HDLBP: variants seen among roughly 807,000 people sequenced by gnomAD.
HDLBP encodes high density lipoprotein binding protein, also known as vigilin.
In HDLBP, 30 loss-of-function variants were observed where a neutral mutation model predicts 137.3. The ratio of observed to expected loss-of-function variants is 0.22; its 90% CI spans 0.16 to 0.30. The LOEUF (loss-of-function observed/expected upper bound fraction) is 0.30. Among genes scored for constraint, HDLBP ranks in the 10% least tolerant of loss-of-function variants. HDLBP has a pLI of 1.00. For synonymous variants in HDLBP, 606 were observed against 596.0 expected, an observed-to-expected ratio of 1.02 and a Z score of -0.24; for missense variants, 1,119 against 1,667.3, an observed-to-expected ratio of 0.67 and a Z score of 5.73.
chr2:241,242,052 A>G (rs1033776621), intron 17 of HDLBP, among the ~76,000 whole-genome samples: 3 of 152,250 alleles, frequency 2.0e-5, no homozygotes, highest in South Asian at 2.1e-4. Context: ...GCCCGGAAAC[A>G]TACCCACAGA....
intron 6 of HDLBP, 72 bp downstream of exon 6, chr2:241,256,528 C>T (rs1286330792): frequency 6.5e-6 from 10 of 1,548,720 alleles, no homozygotes; most frequent in East Asian, 2.2e-5. Flanking sequence ...ACACTGGACA[C>T]GGCAACCCAT....
At chr2:241,279,035 C>A (rs761615984) in intron 1 of HDLBP, among the ~76,000 whole-genome samples, 3 of 135,654 alleles carry the variant, frequency 2.2e-5, no homozygotes, top group African/African-American at 8.3e-5. Flanking sequence ...CTCTCCACCC[C>A]TCTAAAAAAA....
intron 1 of HDLBP, among the ~76,000 whole-genome samples, chr2:241,308,126 T>C (rs866246853): frequency 6.6e-5 from 10 of 152,344 alleles, no homozygotes; most frequent in Middle Eastern, 6.8e-3. Flanking sequence ...TTTATTCTTT[T>C]TTCCAGCCTG....
chr2:241,236,446 T>A, intron 21 of HDLBP, 169 bp downstream of exon 21: 2 of 679,078 alleles, frequency 2.9e-6, no homozygotes, highest in Non-Finnish European at 5.1e-6. Context: ...CCCCAAACTC[T>A]GTGTCCAGCC....
At chr2:241,302,845 C>T (rs944848638) in intron 1 of HDLBP, 3 of 152,310 alleles carry the variant, frequency 2.0e-5, no homozygotes, top group African/African-American at 7.2e-5. Flanking sequence ...ACTGCTTTCT[C>T]TCCCCAAGGA....
chr2:241,295,237 A>G (rs910864477), intron 1 of HDLBP, among the ~76,000 whole-genome samples: 13 of 152,206 alleles, frequency 8.5e-5, no homozygotes, highest in Non-Finnish European at 1.3e-4. Context: ...TATATGAACA[A>G]TATTTCCCCA....
rs538953857 is a variant in HDLBP at position 241,254,472 on chromosome 2, C to T, written c.1188+579G>A. Among the ~76,000 whole-genome samples the T allele has an allele frequency of 2.1e-3, 321 of 151,502 alleles. 3 individuals carry two copies. The highest frequency in any genetic ancestry group is 1.1e-3 in the Non-Finnish European group (76 of 67,878). ...ACTTAATACAATTTGTATACAAGTT[C>T]TGCTCTTCAAAGTATTTTTTTTTTT... On this transcript the variant is annotated intron_variant, in intron 9 of 27. Transcript: ENST00000310931.
At chr2:241,293,930 A>AC (rs931730619) in intron 1 of HDLBP, among the ~76,000 whole-genome samples, 103 of 152,068 alleles carry the variant, frequency 6.8e-4, no homozygotes, top group Non-Finnish European at 1.0e-4. Context: ...TCAAAAAAAA[A>AC]AAAAAACAAA....
chr2:241,281,804 ATAT>A (rs1282767379), intron 1 of HDLBP, among the ~76,000 whole-genome samples: 4 of 152,208 alleles, frequency 2.6e-5, no homozygotes, highest in Admixed American at 6.5e-5. Context: ...GGGTGAAACA[ATAT>A]TATTAAAATT....
intron 21 of HDLBP, chr2:241,236,345 G>A (rs957457666): frequency 2.4e-4 from 122 of 499,236 alleles, no homozygotes; most frequent in African/African-American, 1.3e-3. Context: ...CACAGCCCCC[G>A]CACCCACCGT....
chr2:241,279,998 A>T, intron 1 of HDLBP: 1 of 985,394 alleles, frequency 1.0e-6, no homozygotes, highest in Non-Finnish European at 1.2e-6. Context: ...GGAGCAGCGG[A>T]CCAGGGGTCA....
intron 3 of HDLBP, chr2:241,266,399 C>T (rs1229294496): frequency 8.6e-6 from 2 of 231,872 alleles, no homozygotes; most frequent in South Asian, 6.6e-5. Context: ...CAGCCAGTGG[C>T]GTTCGAGAAC....
intron 12 of HDLBP, chr2:241,249,543 A>G (rs184868222): frequency 1.8e-6 from 1 of 558,630 alleles, no homozygotes; most frequent in Non-Finnish European, 3.5e-6. Flanking sequence ...TGTCTGTCAC[A>G]ATCTCTGGAG....
In HDLBP at chr2:241,229,580, G is replaced by A; in HGVS notation, c.*21C>T. 3 of 1,582,710 alleles carry A rather than the reference G, an allele frequency of 1.9e-6. No homozygotes were observed. The highest frequency in any genetic ancestry group is 2.2e-5 in the South Asian group (2 of 90,052). On this transcript the variant is annotated 3_prime_UTR_variant, in exon 28 of 28. Coordinates refer to ENST00000310931, the MANE Select transcript of HDLBP (RefSeq NM_005336.6). ...TGGGTTTGGGTCAGCAGGCTGGAGA[G>A]GGTTCTGTTCTTTTTGATCATTATC... is the stretch of plus-strand genomic sequence containing the variant.
At chr2:241,293,566 T>C (rs1012978702) in intron 1 of HDLBP, among the ~76,000 whole-genome samples, 1 of 149,454 alleles carries the variant, frequency 6.7e-6, no homozygotes, top group African/African-American at 2.5e-5. Context: ...GAGCCATGAT[T>C]GCACCACTGA....
At chr2:241,237,206 C>G (rs2070649739) in intron 20 of HDLBP, among the ~76,000 whole-genome samples, 1 of 152,142 alleles carries the variant, frequency 6.6e-6, no homozygotes, top group Non-Finnish European at 1.5e-5. Context: ...CAGCCCCACC[C>G]AGGAGAGGCA....
intron 3 of HDLBP, 25 bp from the exon 4 acceptor site, chr2:241,264,630 A>G: frequency 6.2e-7 from 1 of 1,608,388 alleles, no homozygotes; most frequent in Non-Finnish European, 8.5e-7. Context: ...ACAGATTAAA[A>G]GGAAGCACTA....
intron 1 of HDLBP, among the ~76,000 whole-genome samples, chr2:241,274,770 TAATA>T (rs556453116): frequency 1.6e-4 from 25 of 152,224 alleles, no homozygotes; most frequent in Non-Finnish European, 2.6e-4. Context: ...ACACTGAAAC[TAATA>T]AATAGTTCGT....
rs1018088827 is a variant in HDLBP, at chr2:241,306,502, G to A, written c.-103+9068C>T. 8.5e-3 allele frequency among the ~76,000 whole-genome samples: 1,283 copies of A among 151,488 alleles called. 23 individuals are homozygous for A. Among genetic ancestry groups the A allele is most frequent in the African/African-American group, 0.029 (1,208 of 41,332 alleles). ...TCGAACTCCTGACCTCAGGTGATCT[G>A]CCCGCCTCAGCCTCCCAAAGTGCTG... On this transcript the variant is annotated intron_variant, in intron 1 of 27. Coordinates refer to ENST00000310931, the MANE Select transcript of HDLBP (RefSeq NM_005336.6).
Sources: gnomAD v4.1 joint callset for allele counts (sites outside exome capture counted in the v4.1 genomes callset) on GRCh38, gnomAD v4.1.1 for gene constraint, MANE v1.5 for transcripts, NCBI Gene and HGNC (gene_info 2026-07-23, HGNC 2026-07-21) for gene names.